NTN1: variants seen among roughly 807,000 people sequenced by gnomAD.
NTN1 encodes the protein netrin-1.
A neutral mutation model predicts 54.2 loss-of-function variants in NTN1; 11 were observed. The ratio of observed to expected loss-of-function variants is 0.20; its 90% CI spans 0.13 to 0.34. The LOEUF (loss-of-function observed/expected upper bound fraction) is 0.34, where lower values mean the gene tolerates loss of function less well. Ranked by LOEUF, NTN1 falls within the 10% of genes least tolerant of loss-of-function variation. NTN1 has a pLI of 1.00. For missense variants in NTN1, 740 were observed against 893.1 expected, an observed-to-expected ratio of 0.83 and a Z score of 2.18; for synonymous variants, 371 against 382.0, an observed-to-expected ratio of 0.97 and a Z score of 0.33.
chr17:9,063,011 A>G (rs1393149737), intron 2 of NTN1, among the ~76,000 whole-genome samples: 1 of 152,076 alleles, frequency 6.6e-6, no homozygotes, highest in African/African-American at 2.4e-5. Flanking sequence ...CCTGTCCCAG[A>G]GATGAGACTA....
rs144285715 is a variant in NTN1 at position 9,048,794 on chromosome 17, T to C, written c.1018+25403T>C. Among the ~76,000 whole-genome samples the C allele has an allele frequency of 3.0e-3, 461 of 152,248 alleles. 3 individuals are homozygous for C. Among genetic ancestry groups the C allele is most frequent in the African/African-American group, 0.011 (443 of 41,540 alleles). On this transcript the variant is annotated intron_variant, in intron 2 of 6. Transcript: ENST00000173229. Reference sequence around the variant, plus strand: ...GCCTCAGCCTTCCAAGTAGCTGAGATTGTGGGTGCCCACCACCGCACCCAG... The same window carrying C: ...GCCTCAGCCTTCCAAGTAGCTGAGACTGTGGGTGCCCACCACCGCACCCAG...
the NTN1 span, among the ~76,000 whole-genome samples, chr17:9,003,865 C>G: frequency 6.6e-6 from 1 of 151,852 alleles, no homozygotes; most frequent in East Asian, 2.0e-4. The surrounding 1 kb of genome is among the most constrained non-coding windows in gnomAD (Gnocchi z 7.4). Context: ...AAGGGGCTGT[C>G]ACTCCCAGAA....
chr17:9,139,449 T>C (rs1039515886), intron 2 of NTN1, among the ~76,000 whole-genome samples: 2 of 152,204 alleles, frequency 1.3e-5, no homozygotes, highest in Non-Finnish European at 2.9e-5. Flanking sequence ...AATCCTGGCA[T>C]GGTCCAGGGA....
intron 2 of NTN1, among the ~76,000 whole-genome samples, chr17:9,108,274 C>T (rs2092174940): frequency 6.6e-6 from 1 of 152,160 alleles, no homozygotes; most frequent in Non-Finnish European, 1.5e-5. Flanking sequence ...CAGGAAGTTA[C>T]AGAAGCAGGC....
intron 2 of NTN1, among the ~76,000 whole-genome samples, chr17:9,128,262 A>G (rs2092253620): frequency 6.6e-6 from 1 of 151,350 alleles, no homozygotes; most frequent in South Asian, 2.1e-4. Flanking sequence ...GTGAGCTGAG[A>G]TCATGCCACT....
intron 2 of NTN1, among the ~76,000 whole-genome samples, chr17:9,141,496 C>T (rs970803940): frequency 9.9e-5 from 15 of 152,000 alleles, no homozygotes; most frequent in Admixed American, 2.6e-4. Context: ...GTGGCCTTAG[C>T]GTGGGCGTCC....
At chr17:9,127,456 T>C (rs796550176) in intron 2 of NTN1, among the ~76,000 whole-genome samples, 3 of 152,266 alleles carry the variant, frequency 2.0e-5, no homozygotes, top group African/African-American at 7.2e-5. Flanking sequence ...GGTCCTGTGA[T>C]GTAGGCTGGC....
intron 2 of NTN1, among the ~76,000 whole-genome samples, chr17:9,053,493 T>C (rs1178804178): frequency 4.6e-5 from 7 of 152,250 alleles, no homozygotes; most frequent in African/African-American, 1.7e-4. Context: ...GCAGAAGTTC[T>C]ATCTAAAGCA....
intron 2 of NTN1, among the ~76,000 whole-genome samples, chr17:9,157,774 C>T (rs2092347182): frequency 1.3e-5 from 2 of 152,190 alleles, no homozygotes; most frequent in South Asian, 4.1e-4. Flanking sequence ...CCTGCTGGTC[C>T]CTCAAGAGTG....
Position 9,219,313 on chromosome 17 carries a change from C to A in NTN1, c.1412-1855C>A, listed in dbSNP as rs773539053. Among the ~76,000 whole-genome samples, 9 of 152,208 alleles carry A rather than the reference C, an allele frequency of 5.9e-5. No homozygotes were observed. Among genetic ancestry groups the A allele is most frequent in the Non-Finnish European group, 1.3e-4 (9 of 68,046 alleles). On this transcript the variant is annotated intron_variant, in intron 5 of 6. Transcript: ENST00000173229. The surrounding 1 kb of genome is among the most constrained non-coding windows in gnomAD (Gnocchi z 4.5). Reference sequence around the variant, plus strand: ...CCAGTCCCTGCACCCCAAGAAATCCCTACTCTAGTAACCAAGCTGCTATCC... The same window carrying A: ...CCAGTCCCTGCACCCCAAGAAATCCATACTCTAGTAACCAAGCTGCTATCC...
At chr17:9,174,367 T>G (rs1425555202) in intron 3 of NTN1, 1 of 152,192 alleles carries the variant, frequency 6.6e-6, no homozygotes, top group Non-Finnish European at 1.5e-5. Context: ...CCTAGGAGGG[T>G]CCTGGAGAAG....
intron 2 of NTN1, among the ~76,000 whole-genome samples, chr17:9,087,093 T>C (rs544172382): frequency 1.3e-5 from 2 of 152,322 alleles, no homozygotes; most frequent in East Asian, 3.9e-4. Context: ...ATGAGGATCC[T>C]AAAGGTTACA....
chr17:9,146,092 C>A (rs2092312548), intron 2 of NTN1, among the ~76,000 whole-genome samples: 1 of 152,134 alleles, frequency 6.6e-6, no homozygotes, highest in Admixed American at 6.5e-5. Flanking sequence ...GCCCTTGTGC[C>A]CTTTCAAGCA....
At chr17:9,004,792 G>C in the NTN1 span, among the ~76,000 whole-genome samples, 1 of 152,240 alleles carries the variant, frequency 6.6e-6, no homozygotes, top group African/African-American at 2.4e-5. Flanking sequence ...TCACCCAGTG[G>C]AATCCTGCCA....
intron 6 of NTN1, among the ~76,000 whole-genome samples, chr17:9,235,985 G>A (rs1028918281): frequency 2.6e-5 from 4 of 152,104 alleles, no homozygotes; most frequent in Admixed American, 2.0e-4. Flanking sequence ...TTACAGGCGT[G>A]AGCCACCATG....
chr17:9,225,746 C>A (rs1351389884), intron 6 of NTN1, among the ~76,000 whole-genome samples: 1 of 149,714 alleles, frequency 6.7e-6, no homozygotes, highest in Non-Finnish European at 1.5e-5. Flanking sequence ...CAGGGGCTCC[C>A]TCGGAGGCTG....
At chr17:9,234,975 T>TTG (rs1227964194) in intron 6 of NTN1, among the ~76,000 whole-genome samples, 3 of 150,160 alleles carry the variant, frequency 2.0e-5, no homozygotes, top group African/African-American at 7.4e-5. Context: ...TTTTTTTTTT[T>TTG]TTTTGAGATG....
At chr17:9,072,015 T>G (rs1224786047) in intron 2 of NTN1, among the ~76,000 whole-genome samples, 1 of 152,158 alleles carries the variant, frequency 6.6e-6, no homozygotes, top group East Asian at 1.9e-4. Flanking sequence ...CTTTGTGGGA[T>G]CTGAGCACAC....
In NTN1 at chr17:9,077,946, T is replaced by A. The variant is rs115200459; in HGVS notation, c.1018+54555T>A. Among the ~76,000 whole-genome samples the A allele has an allele frequency of 7.8e-3, 1,188 of 152,294 alleles. 16 individuals carry two copies. Among genetic ancestry groups the A allele is most frequent in the African/African-American group, 0.027 (1,138 of 41,544 alleles). On this transcript the variant is annotated intron_variant, in intron 2 of 6. Coordinates refer to ENST00000173229, the MANE Select transcript of NTN1 (RefSeq NM_004822.3). ...GGTCATCCCAAGGAAGATGTTTGCC[T>A]TAACAGGTTTAATTATCATTACTCC...
Sources: gnomAD v4.1 joint callset for allele counts (sites outside exome capture counted in the v4.1 genomes callset) on GRCh38, gnomAD v4.1.1 for gene constraint, Gnocchi (gnomAD v3.1) non-coding constraint, MANE v1.5 for transcripts, NCBI Gene and HGNC (gene_info 2026-07-23, HGNC 2026-07-21) for gene names.